ESM1: variants seen among roughly 807,000 people sequenced by gnomAD.
ESM1 encodes endothelial cell-specific molecule 1.
In ESM1, 7 loss-of-function variants were observed where a neutral mutation model predicts 14.9. The observed-to-expected ratio is 0.47, with a 90% CI of 0.27 to 0.88. The LOEUF (loss-of-function observed/expected upper bound fraction) is 0.88. ESM1 is among the 40% of genes least tolerant of loss of function. The pLI is 0.14. For missense variants in ESM1, 192 were observed against 237.9 expected, an observed-to-expected ratio of 0.81 and a Z score of 1.27; for synonymous variants, 89 against 89.4, an observed-to-expected ratio of 1.00 and a Z score of 0.02.
rs11740219 is a variant in ESM1, at chr5:54,978,323, C to G, written c.*1009G>C. The G allele has an allele frequency of 6.6e-6, 1 of 151,810 alleles. No homozygotes were observed. Among genetic ancestry groups the G allele is most frequent in the African/African-American group, 2.4e-5 (1 of 41,356 alleles). 9.4% of individuals were successfully genotyped at this position (151,810 alleles called of 1,614,324 possible). On this transcript the variant is annotated 3_prime_UTR_variant, in exon 3 of 3. Transcript: ENST00000381405. ...GGACCCTCTGTTGCTCATTTTTTGA[C>G]ATTTTTGAAATCCAGAGTGACTCTG... is the stretch of plus-strand genomic sequence containing the variant.
In ESM1 at chr5:54,979,215, C is replaced by A. The variant is rs1744001489; in HGVS notation, c.*117G>T. 1 of 738,630 alleles carries A rather than the reference C, an allele frequency of 1.4e-6. No individual in the cohort carries two copies. Among genetic ancestry groups the A allele is most frequent in the Admixed American group, 2.1e-5 (1 of 47,198 alleles). The allele number at this position is 738,630 out of a possible 1,614,324, so 45.8% of individuals were successfully genotyped here. On this transcript the variant is annotated 3_prime_UTR_variant, in exon 3 of 3. Coordinates refer to ENST00000381405, the MANE Select transcript of ESM1 (RefSeq NM_007036.5). ...TGTTTTCTGGATCCACCATGCATCA[C>A]ATTTGGTCTTCAAAAATTACATGTC...
At chr5:54,984,552 C>G (rs1395039444) in intron 1 of ESM1, among the ~76,000 whole-genome samples, 1 of 152,108 alleles carries the variant, frequency 6.6e-6, no homozygotes, top group Non-Finnish European at 1.5e-5. Flanking sequence ...TACAGACTTC[C>G]AGTTTTTATT....
Position 54,979,403 on chromosome 5 carries a change from CA to C in ESM1, c.483del (p.Ile161MetfsTer2), listed in dbSNP as rs1258406908. The C allele has an allele frequency of 6.2e-7, 1 of 1,613,654 alleles. No homozygotes were observed. ...EHDMASGDGN[I>X]VREEVVKENA... ...TTCTCTTTCACAACTTCTTCTCTCA[CA>C]ATATTGCCATCTCCAGATGCCATGT... On this transcript the variant is annotated frameshift_variant, in exon 3 of 3. Coordinates refer to ENST00000381405, the MANE Select transcript of ESM1 (RefSeq NM_007036.5). LOFTEE classifies it high-confidence loss of function.
At chr5:54,984,533 CT>C (rs1580281417) in intron 1 of ESM1, among the ~76,000 whole-genome samples, 1 of 152,136 alleles carries the variant, frequency 6.6e-6, no homozygotes, top group Non-Finnish European at 1.5e-5. Flanking sequence ...AGTGGTCAAC[CT>C]CATTCTTTAC....
rs1003193586 is a variant in ESM1 at position 54,977,996 on chromosome 5, T to A, written c.*1336A>T. On this transcript the variant is annotated 3_prime_UTR_variant, in exon 3 of 3. Transcript: ENST00000381405. ...CAACTCTGTTGGCCAACTTCAAGAA[T>A]AAAATACAGGTAAATACTGAAATAA... 3.3e-5 allele frequency: 5 copies of A among 152,152 alleles called. No homozygotes were observed. Among genetic ancestry groups the A allele is most frequent in the African/African-American group, 1.2e-4 (5 of 41,448 alleles). 9.4% of individuals were successfully genotyped at this position (152,152 alleles called of 1,614,324 possible).
chr5:54,985,312 A>G lies in ESM1; in HGVS notation c.206T>C (p.Val69Ala), dbSNP rs1460761132. The G allele has an allele frequency of 1.2e-6, 2 of 1,614,042 alleles. No homozygotes were observed. Among genetic ancestry groups the G allele is most frequent in the African/African-American group, 2.7e-5 (2 of 74,928 alleles). ...AGRGETCYRT[V>A]SGMDGMKCGP... The stretch of plus-strand genomic sequence containing the variant: ...ACACTTCATGCCATCCATGCCTGAG[A>G]CTGTGCGGTAGCAAGTTTCTCCCCG... The change falls in exon 1 of 3, where the codon GTC becomes GCC. Residue 69 changes from valine (V) to alanine (A), a missense_variant. Val to Ala is a moderately conservative substitution (Grantham distance 64). Coordinates refer to ENST00000381405, the MANE Select transcript of ESM1 (RefSeq NM_007036.5).
Position 54,982,101 on chromosome 5 carries a change from T to C in ESM1, c.347A>G (p.Asn116Ser). Residue 116 changes from asparagine (N) to serine (S), a missense_variant, in exon 2 of 3, where the codon AAC becomes AGC. Asn to Ser is a conservative substitution (Grantham distance 46). Transcript: ENST00000381405. Reference protein sequence around the residue: ...TFGMDCRETCNCQSGICDRGT... With the variant: ...TFGMDCRETCSCQSGICDRGT... ...CCTGTCACAGATGCCTGACTGGCAG[T>C]TGCAGGTCTCTCTGCAATCCATCCC... 6.2e-7 allele frequency: 1 copy of C among 1,614,184 alleles called. No individual in the cohort carries two copies. The highest frequency in any genetic ancestry group is 8.5e-7 in the Non-Finnish European group (1 of 1,179,992).
Position 54,985,346 on chromosome 5 carries a change from C to G in ESM1, c.172G>C (p.Ala58Pro). Residue 58 changes from alanine (A) to proline (P), a missense_variant, in exon 1 of 3, where the codon GCT (alanine) becomes CCT (proline). By Grantham distance (27) the Ala-to-Pro change is conservative. Transcript: ENST00000381405. ...TAGCAAGTTTCTCCCCGCCCTGCAG[C>G]GCACACTCGGCAGCAGCCACAGTCG... is the stretch of plus-strand genomic sequence containing the variant. ...LDDCGCCRVC[A>P]AGRGETCYRT... The G allele has an allele frequency of 6.2e-7, 1 of 1,614,174 alleles. No individual in the cohort carries two copies. The highest frequency in any genetic ancestry group is 1.3e-5 in the African/African-American group (1 of 75,068).
rs1421854104 is a variant in ESM1, at chr5:54,979,312, C to G, written c.*20G>C. On this transcript the variant is annotated 3_prime_UTR_variant, in exon 3 of 3. Coordinates refer to ENST00000381405, the MANE Select transcript of ESM1 (RefSeq NM_007036.5). ...AACAATCACGAAAATAGAGCCTTCT[C>G]TCAGAAATCACAGCCGGGATCAGCG... 2.5e-6 allele frequency: 4 copies of G among 1,575,122 alleles called. No individual in the cohort carries two copies. The highest frequency in any genetic ancestry group is 3.5e-6 in the Non-Finnish European group (4 of 1,145,216).
intron 1 of ESM1, among the ~76,000 whole-genome samples, chr5:54,983,641 C>T (rs1228996031): frequency 6.6e-6 from 1 of 152,166 alleles, no homozygotes; most frequent in Admixed American, 6.5e-5. Flanking sequence ...GAGAAAAATG[C>T]TTAAAACTAG....
At position 54,978,832 on chromosome 5, in the gene ESM1, A is replaced by C. The variant is rs1237286709; in HGVS notation, c.*500T>G. The C allele has an allele frequency of 1.2e-5, 1 of 85,518 alleles. No individual in the cohort carries two copies. Among genetic ancestry groups the C allele is most frequent in the African/African-American group, 1.2e-4 (1 of 8,002 alleles). 5.3% of individuals were successfully genotyped at this position (85,518 alleles called of 1,614,324 possible). ...TATTTTGACTTTTCCCAAAGCCAAA[A>C]AAAAAAAAAAAAGCACAATTAAATT... On this transcript the variant is annotated 3_prime_UTR_variant, in exon 3 of 3. Coordinates refer to ENST00000381405, the MANE Select transcript of ESM1 (RefSeq NM_007036.5).
At position 54,982,194 on chromosome 5, in the gene ESM1, G is replaced by A. The variant is rs375307780; in HGVS notation, c.302-48C>T. 2.1e-5 allele frequency: 33 copies of A among 1,597,990 alleles called. No homozygotes were observed. In the African/African-American group the frequency reaches 2.4e-4, roughly 12 times the overall value. On this transcript the variant is annotated intron_variant, in intron 1 of 2. Coordinates refer to ENST00000381405, the MANE Select transcript of ESM1 (RefSeq NM_007036.5). ...AGAGGACGCTGCTTGTTGTAAATACGTCTCCATCCTAACAGCCCTGGGTGC... is the reference window on the plus strand; with the variant it reads ...AGAGGACGCTGCTTGTTGTAAATACATCTCCATCCTAACAGCCCTGGGTGC...
intron 2 of ESM1, among the ~76,000 whole-genome samples, chr5:54,979,636 C>A (rs1051205054): frequency 6.6e-6 from 1 of 152,154 alleles, no homozygotes; most frequent in African/African-American, 2.4e-5. Flanking sequence ...TCTTTGTATA[C>A]CTATCGTCAC....
At chr5:54,980,385 G>A (rs2269226) in intron 2 of ESM1, among the ~76,000 whole-genome samples, 28,646 of 152,124 alleles carry the variant, frequency 0.19, 3,482 homozygotes, top group South Asian at 0.34. Context: ...TGAAGCCTGT[G>A]TCAGGAGTGA....
At position 54,979,047 on chromosome 5, in the gene ESM1, G is replaced by T; in HGVS notation, c.*285C>A. 3.5e-6 allele frequency: 1 copy of T among 283,174 alleles called. No homozygotes were observed. The highest frequency in any genetic ancestry group is 6.7e-6 in the Non-Finnish European group (1 of 149,936). 17.5% of individuals were successfully genotyped at this position (283,174 alleles called of 1,614,324 possible). On this transcript the variant is annotated 3_prime_UTR_variant, in exon 3 of 3. Transcript: ENST00000381405. ...CCCTCTTTGGTTGACCTGTCTCCAC[G>T]TAAGATTACCTAAATTGCATTTTTA... is the stretch of plus-strand genomic sequence containing the variant.
At chr5:54,984,084 A>G (rs1740472062) in intron 1 of ESM1, among the ~76,000 whole-genome samples, 1 of 152,156 alleles carries the variant, frequency 6.6e-6, no homozygotes. Flanking sequence ...ATACTTTAAG[A>G]ATTTGTTTTT....
At chr5:54,981,927 G>A (rs748032457) in intron 2 of ESM1, 70 bp downstream of exon 2, 44 of 1,434,706 alleles carry the variant, frequency 3.1e-5, no homozygotes, top group Non-Finnish European at 4.3e-5. Flanking sequence ...TCTACTCACA[G>A]ATATTTTCTA....
intron 1 of ESM1, among the ~76,000 whole-genome samples, chr5:54,982,662 A>T (rs1318621067): frequency 2.6e-5 from 4 of 152,222 alleles, no homozygotes; most frequent in Non-Finnish European, 5.9e-5. Flanking sequence ...ACCATGAAGC[A>T]ATCAATCTTC....
At position 54,982,252 on chromosome 5, in the gene ESM1, C is replaced by T. The variant is rs1004261608; in HGVS notation, c.302-106G>A. 20 of 1,057,136 alleles carry T rather than the reference C, an allele frequency of 1.9e-5. No homozygotes were observed. In the African/African-American group the frequency reaches 2.9e-4, roughly 15 times the overall value. The allele number at this position is 1,057,136 out of a possible 1,614,324, so 65.5% of individuals were successfully genotyped here. On this transcript the variant is annotated intron_variant, in intron 1 of 2. Coordinates refer to ENST00000381405, the MANE Select transcript of ESM1 (RefSeq NM_007036.5). ...TGCGATTTGAACCAACCTCATGAAC[C>T]TTGACTGTAAAGTAAAATCCAATTC...
Sources: allele counts gnomAD v4.1 joint callset (sites outside exome capture counted in the v4.1 genomes callset), GRCh38; gene constraint gnomAD v4.1.1; transcripts MANE v1.5; gene names NCBI Gene and HGNC (gene_info 2026-07-23, HGNC 2026-07-21).